FGFR2: variants seen among roughly 807,000 people sequenced by gnomAD.
FGFR2 encodes fibroblast growth factor receptor 2.
In FGFR2, 19 loss-of-function variants were observed where a neutral mutation model predicts 95.9. That is an observed-to-expected ratio of 0.20 (90% CI 0.14 to 0.29). The LOEUF is 0.29. FGFR2 is among the 10% of genes least tolerant of loss of function. FGFR2 has a pLI of 1.00. For synonymous variants in FGFR2, 392 were observed against 393.3 expected (o/e 1.00, Z 0.04); for missense variants, 707 against 1,056.9 (o/e 0.67, Z 4.59).
At chr10:121,490,765 G>A (rs77104879) in intron 13 of FGFR2, among the ~76,000 whole-genome samples, 1 of 152,186 alleles carries the variant, frequency 6.6e-6, no homozygotes, top group Non-Finnish European at 1.5e-5. Flanking sequence ...GGCAAGCTAC[G>A]TGATCCCTGA....
chr10:121,480,075 T>C (rs990621338), intron 17 of FGFR2, 54 bp from the exon 18 acceptor site: 1 of 1,531,906 alleles, frequency 6.5e-7, no homozygotes, highest in African/African-American at 1.4e-5. Context: ...GATAACAAGG[T>C]GAATACGGTT....
chr10:121,574,856 G>C (rs1412960414), intron 2 of FGFR2, among the ~76,000 whole-genome samples: 1 of 152,186 alleles, frequency 6.6e-6, no homozygotes, highest in Admixed American at 6.5e-5. Flanking sequence ...TAAAAACGGA[G>C]AACAAAAAGA....
chr10:121,524,867 A>G (rs971867431), intron 6 of FGFR2, among the ~76,000 whole-genome samples: 3 of 152,136 alleles, frequency 2.0e-5, no homozygotes, highest in African/African-American at 7.2e-5. Flanking sequence ...AAACCCCTCA[A>G]GTTTGCAACT....
chr10:121,539,758 T>C (rs1445257714), intron 5 of FGFR2, among the ~76,000 whole-genome samples: 1 of 152,248 alleles, frequency 6.6e-6, no homozygotes, highest in South Asian at 2.1e-4. Flanking sequence ...GCCCTGGGCA[T>C]TGCAAGTGTT....
At chr10:121,540,334 C>T (rs1030853782) in intron 5 of FGFR2, among the ~76,000 whole-genome samples, 11 of 152,260 alleles carry the variant, frequency 7.2e-5, no homozygotes, top group Middle Eastern at 3.4e-3. Context: ...GACAAAGACT[C>T]GCTTTCTGCT....
At chr10:121,538,997 T>C (rs1470613933) in intron 5 of FGFR2, among the ~76,000 whole-genome samples, 1 of 152,236 alleles carries the variant, frequency 6.6e-6, no homozygotes, top group Non-Finnish European at 1.5e-5. Context: ...AGGGCTCCTC[T>C]AGGAGAGGCC....
intron 4 of FGFR2, among the ~76,000 whole-genome samples, chr10:121,557,111 G>C (rs1274248730): frequency 1.3e-5 from 2 of 152,164 alleles, no homozygotes; most frequent in African/African-American, 2.4e-5. Flanking sequence ...TCAAAACCAA[G>C]CAAGTTAACC....
At chr10:121,592,506 T>G (rs1437105063) in intron 2 of FGFR2, among the ~76,000 whole-genome samples, 1 of 152,168 alleles carries the variant, frequency 6.6e-6, no homozygotes, top group Non-Finnish European at 1.5e-5. Flanking sequence ...ACACGATTGC[T>G]TCAGGTGATA....
intron 6 of FGFR2, among the ~76,000 whole-genome samples, chr10:121,535,150 G>T (rs554361282): frequency 6.6e-6 from 1 of 152,108 alleles, no homozygotes; most frequent in Non-Finnish European, 1.5e-5. Context: ...TACAAGCCAA[G>T]GACAGCTACC....
chr10:121,594,180 T>C (rs951677137), intron 1 of FGFR2: 2 of 449,190 alleles, frequency 4.5e-6, no homozygotes, highest in Non-Finnish European at 8.2e-6. Flanking sequence ...TTTAAAAGCA[T>C]ACTTTTAAGA....
intron 4 of FGFR2, 52 bp from the exon 5 acceptor site, chr10:121,551,511 A>G (rs2134847350): frequency 6.5e-7 from 1 of 1,536,698 alleles, no homozygotes; most frequent in Non-Finnish European, 9.0e-7. Context: ...CTTCCCCTCC[A>G]TGAGTAAACT....
chr10:121,589,142 C>T (rs1862258270), intron 2 of FGFR2, among the ~76,000 whole-genome samples: 1 of 152,146 alleles, frequency 6.6e-6, no homozygotes. Context: ...ATATTTCCTA[C>T]CTAGCTTAAC....
intron 5 of FGFR2, among the ~76,000 whole-genome samples, chr10:121,540,186 A>G (rs1456243460): frequency 6.6e-6 from 1 of 152,230 alleles, no homozygotes; most frequent in East Asian, 1.9e-4. Flanking sequence ...GCAGTCATCG[A>G]CAACTACGAA....
intron 2 of FGFR2, among the ~76,000 whole-genome samples, chr10:121,575,745 A>C (rs895814735): frequency 6.6e-6 from 1 of 151,796 alleles, no homozygotes; most frequent in Non-Finnish European, 1.5e-5. Context: ...AATCCCAGCT[A>C]CTCGGGAGGC....
intron 6 of FGFR2, among the ~76,000 whole-genome samples, 178 bp from the exon 7 acceptor site, chr10:121,520,347 AC>A (rs1850359310): frequency 6.6e-6 from 1 of 152,250 alleles, no homozygotes. Flanking sequence ...TTCAAAGGAG[AC>A]TGCCGGAGCG....
At chr10:121,496,251 C>A (rs1219869238) in intron 13 of FGFR2, among the ~76,000 whole-genome samples, 1 of 151,846 alleles carries the variant, frequency 6.6e-6, no homozygotes, top group Non-Finnish European at 1.5e-5. Flanking sequence ...ATCCATTTCC[C>A]ACCTGGAGAG....
rs186001197 is a variant in FGFR2, at chr10:121,575,997, G to A, written c.110-10293C>T. Among the ~76,000 whole-genome samples, 790 of 151,904 alleles carry A rather than the reference G, an allele frequency of 5.2e-3. 8 individuals carry two copies. The highest frequency in any genetic ancestry group is 0.018 in the African/African-American group (743 of 41,438). On this transcript the variant is annotated intron_variant, in intron 2 of 17. Transcript: ENST00000358487. Reference sequence around the variant, plus strand: ...GGTCAGGAGAGTTCAAGACCAGCCTGACCAACATGGAGAAACCCCGTCTCT... The same window carrying A: ...GGTCAGGAGAGTTCAAGACCAGCCTAACCAACATGGAGAAACCCCGTCTCT...
At chr10:121,551,496 G>A (rs2134846397) in intron 4 of FGFR2, 37 bp from the exon 5 acceptor site, 7 of 1,590,754 alleles carry the variant, frequency 4.4e-6, no homozygotes, top group Non-Finnish European at 6.0e-6. Flanking sequence ...TATACTGATG[G>A]ACAGCTTCCC....
intron 13 of FGFR2, among the ~76,000 whole-genome samples, chr10:121,489,160 C>T (rs1459420278): frequency 6.6e-6 from 1 of 152,136 alleles, no homozygotes; most frequent in Non-Finnish European, 1.5e-5. Context: ...GCAACCTCCG[C>T]CTCCTGGGTT....
Sources: gnomAD v4.1 joint callset for allele counts (sites outside exome capture counted in the v4.1 genomes callset) on GRCh38, gnomAD v4.1.1 for gene constraint, MANE v1.5 for transcripts, NCBI Gene and HGNC (gene_info 2026-07-23, HGNC 2026-07-21) for gene names.